The following MCOLN2 variants were observed in gnomAD, a reference collection of about 807,000 sequenced individuals.
The protein encoded by MCOLN2 is mucolipin-2.
In MCOLN2, 57 loss-of-function variants were observed where a neutral mutation model predicts 67.5. The ratio of observed to expected loss-of-function variants is 0.84; its 90% CI spans 0.68 to 1.05. The LOEUF (loss-of-function observed/expected upper bound fraction) is 1.05. MCOLN2 is among the 50% of genes least tolerant of loss of function. MCOLN2 has a pLI of 0.00. For synonymous variants in MCOLN2, 246 were observed against 233.3 expected (o/e 1.05, Z -0.50); for missense variants, 620 against 678.8 (o/e 0.91, Z 0.96).
intron 6 of MCOLN2, among the ~76,000 whole-genome samples, chr1:84,951,128 C>A (rs1464159572): frequency 6.6e-6 from 1 of 152,180 alleles, no homozygotes; most frequent in African/African-American, 2.4e-5. Context: ...TTCCTTACCA[C>A]ATATCACAAC....
intron 7 of MCOLN2, among the ~76,000 whole-genome samples, chr1:84,944,600 G>A (rs1647989816): frequency 6.6e-6 from 1 of 152,152 alleles, no homozygotes; most frequent in Non-Finnish European, 1.5e-5. Context: ...CCGCCAAGAA[G>A]GAGTCCCCCA....
chr1:84,956,668 G>A (rs1648811285), intron 3 of MCOLN2, 84 bp from the exon 4 acceptor site: 4 of 1,174,180 alleles, frequency 3.4e-6, no homozygotes, highest in African/African-American at 3.2e-5. Flanking sequence ...TGTACTTTCA[G>A]TTACTTTGTA....
intron 1 of MCOLN2, among the ~76,000 whole-genome samples, chr1:84,982,737 A>C (rs2102880399): frequency 6.6e-6 from 1 of 152,276 alleles, no homozygotes; most frequent in Non-Finnish European, 1.5e-5. Context: ...AAACAAACAG[A>C]AAATACAGAA....
chr1:84,958,688 A>T lies in MCOLN2; in HGVS notation c.252T>A (p.Gly84=). Residue 84 remains glycine (G), a synonymous_variant, in exon 3 of 14, where the codon GGT becomes GGA. Coordinates refer to ENST00000370608, the MANE Select transcript of MCOLN2 (RefSeq NM_153259.4). ...VMVTTQLVRF[G]LSNQLVVAFK... Reference sequence around the variant, plus strand: ...AAGCAACCACCAGCTGGTTACTTAAACCAAAACGAACAAGCTAAAAAATAA... The same window carrying T: ...AAGCAACCACCAGCTGGTTACTTAATCCAAAACGAACAAGCTAAAAAATAA... 1 of 1,577,230 alleles carries T rather than the reference A, an allele frequency of 6.3e-7. No individual in the cohort carries two copies. The highest frequency in any genetic ancestry group is 2.3e-5 in the East Asian group (1 of 44,218).
Position 84,958,557 on chromosome 1 carries a change from T to C in MCOLN2, c.383A>G (p.Tyr128Cys). ...SCSVYTQEDA[Y>C]ESIFFAINQY... is the part of the protein sequence containing the mutation. ...ATTAATAGCAAAAAAGATGCTCTCATAGGCATCCTCTTGAGTATATACACT... is the reference window on the plus strand; with the variant it reads ...ATTAATAGCAAAAAAGATGCTCTCACAGGCATCCTCTTGAGTATATACACT... The change falls in exon 3 of 14, where the codon TAT becomes TGT. Residue 128 changes from tyrosine (Y) to cysteine (C), a missense_variant. Transcript: ENST00000370608. The C allele has an allele frequency of 6.2e-7, 1 of 1,604,778 alleles. No homozygotes were observed. The highest frequency in any genetic ancestry group is 8.5e-7 in the Non-Finnish European group (1 of 1,178,212).
At chr1:84,957,359 A>G (rs1488707234) in intron 3 of MCOLN2, among the ~76,000 whole-genome samples, 2 of 152,290 alleles carry the variant, frequency 1.3e-5, no homozygotes, top group Admixed American at 6.5e-5. Context: ...GGCTATCTGC[A>G]CTAATAGGGC....
Position 84,988,057 on chromosome 1 carries a change from T to G in MCOLN2, c.77+8739A>C, listed in dbSNP as rs142274049. Among the ~76,000 whole-genome samples, 463 of 152,262 alleles carry G rather than the reference T, an allele frequency of 3.0e-3. 4 individuals are homozygous for G. The highest frequency in any genetic ancestry group is 6.8e-3 in the Middle Eastern group (2 of 294). The stretch of plus-strand genomic sequence containing the variant: ...CAAATGCCACCTGTTCCCTAAAAAC[T>G]ACTGAAATAATTTTTTTAAAAGAAA... On this transcript the variant is annotated intron_variant, in intron 1 of 13. Coordinates refer to ENST00000370608, the MANE Select transcript of MCOLN2 (RefSeq NM_153259.4).
chr1:84,970,944 T>G (rs1333030559), intron 1 of MCOLN2, among the ~76,000 whole-genome samples: 2 of 152,172 alleles, frequency 1.3e-5, no homozygotes, highest in African/African-American at 2.4e-5. Context: ...TGATAACTGA[T>G]GTTAGCATTG....
Position 84,926,737 on chromosome 1 carries a change from AAAG to A in MCOLN2, c.1665-19_1665-17del. Reference sequence around the variant, plus strand: ...ACTTCTTTTCCTGTAACAGAAAGGGAAAGAAGAAAAGAGGAAAGATACAATACT... The same window carrying A: ...ACTTCTTTTCCTGTAACAGAAAGGGAAAGAAAAGAGGAAAGATACAATACT... On this transcript the variant is annotated splice_polypyrimidine_tract_variant and intron_variant, in intron 13 of 13. Coordinates refer to ENST00000370608, the MANE Select transcript of MCOLN2 (RefSeq NM_153259.4). 1 of 1,583,958 alleles carries A rather than the reference AAAG, an allele frequency of 6.3e-7. No individual in the cohort carries two copies. The highest frequency in any genetic ancestry group is 8.6e-7 in the Non-Finnish European group (1 of 1,159,602).
intron 9 of MCOLN2, among the ~76,000 whole-genome samples, chr1:84,938,326 G>T (rs1297658355): frequency 6.6e-6 from 1 of 152,026 alleles, no homozygotes; most frequent in Non-Finnish European, 1.5e-5. Flanking sequence ...CTCTGAAATA[G>T]AAATTGTATT....
In MCOLN2 at chr1:84,931,398, A is replaced by G. The variant is rs1661395044; in HGVS notation, c.1506T>C (p.Phe502=). The G allele has an allele frequency of 4.4e-6, 7 of 1,595,970 alleles. No individual in the cohort carries two copies. Among genetic ancestry groups the G allele is most frequent in the African/African-American group, 1.3e-5 (1 of 74,502 alleles). The part of the protein sequence containing the change: ...SLFIYMILSL[F]IALITDSYDT... ...CATAAGAATCTGTAATAAGTGCAAT[A>G]AAAAGACTGAGAATCATATATATAA... The change falls in exon 12 of 14, where the codon TTT becomes TTC. Residue 502 remains phenylalanine, a synonymous_variant. Coordinates refer to ENST00000370608, the MANE Select transcript of MCOLN2 (RefSeq NM_153259.4).
intron 1 of MCOLN2, among the ~76,000 whole-genome samples, chr1:84,980,906 G>A (rs1041304388): frequency 6.6e-6 from 1 of 152,084 alleles, no homozygotes; most frequent in South Asian, 2.1e-4. Flanking sequence ...GCAAACTGGA[G>A]ATTAACAGCC....
At chr1:84,936,098 T>A (rs1647411476) in intron 11 of MCOLN2, among the ~76,000 whole-genome samples, 1 of 152,184 alleles carries the variant, frequency 6.6e-6, no homozygotes, top group Admixed American at 6.6e-5. Context: ...TATTATTTAA[T>A]ATATTAAGGT....
intron 6 of MCOLN2, among the ~76,000 whole-genome samples, chr1:84,950,548 C>A (rs1648368061): frequency 6.6e-6 from 1 of 152,182 alleles, no homozygotes. Flanking sequence ...GCAGGCTGAA[C>A]TTAAGATGTC....
chr1:84,987,212 A>ATCTATC (rs1557665074), intron 1 of MCOLN2, among the ~76,000 whole-genome samples: 20 of 60,342 alleles, frequency 3.3e-4, no homozygotes, highest in East Asian at 3.1e-3. Flanking sequence ...ATCTATCTAT[A>ATCTATC]TATATGGCAT....
intron 6 of MCOLN2, among the ~76,000 whole-genome samples, chr1:84,951,436 T>C (rs918474176): frequency 1.5e-4 from 23 of 152,314 alleles, no homozygotes; most frequent in Non-Finnish European, 1.6e-4. Context: ...GGCAGCTTAC[T>C]TCCCCATAAA....
intron 9 of MCOLN2, among the ~76,000 whole-genome samples, chr1:84,938,335 T>C (rs986877651): frequency 6.6e-6 from 1 of 152,236 alleles, no homozygotes; most frequent in Non-Finnish European, 1.5e-5. Flanking sequence ...AGAAATTGTA[T>C]TTAGGTTGAA....
chr1:84,945,725 T>C (rs1176391154), intron 7 of MCOLN2, among the ~76,000 whole-genome samples: 6 of 152,032 alleles, frequency 3.9e-5, no homozygotes, highest in African/African-American at 1.4e-4. Flanking sequence ...CCATGATATT[T>C]TATTTTATTT....
intron 6 of MCOLN2, among the ~76,000 whole-genome samples, chr1:84,950,032 C>A (rs1417481201): frequency 1.3e-5 from 2 of 152,126 alleles, no homozygotes; most frequent in African/African-American, 4.8e-5. Context: ...ATTCAGAATA[C>A]CCCAGTATTG....
Sources: allele counts gnomAD v4.1 joint callset (sites outside exome capture counted in the v4.1 genomes callset), GRCh38; gene constraint gnomAD v4.1.1; transcripts MANE v1.5; gene names NCBI Gene and HGNC (gene_info 2026-07-23, HGNC 2026-07-21).